Variants in PLEKHA5 observed in about 807,000 individuals in gnomAD.
The protein encoded by PLEKHA5 is pleckstrin homology domain containing A5, also known as pleckstrin homology domain-containing family A member 5.
Under a neutral mutation model 181.9 loss-of-function variants are expected in PLEKHA5, and 55 were observed. The ratio of observed to expected loss-of-function variants is 0.30; its 90% CI spans 0.24 to 0.38. The LOEUF is 0.38. PLEKHA5 is among the 10% of genes least tolerant of loss of function. The pLI is 1.00. For synonymous variants in PLEKHA5, 535 were observed against 529.4 expected (o/e 1.01, Z -0.15); for missense variants, 1,432 against 1,549.5 (o/e 0.92, Z 1.27).
intron 15 of PLEKHA5, chr12:19,306,413 G>C: frequency 1.8e-6 from 1 of 549,120 alleles, no homozygotes; most frequent in Admixed American, 2.2e-5. Context: ...GTAGAGAAAA[G>C]GTGGCGACGG....
At chr12:19,179,758 A>T (rs1377684821) in intron 3 of PLEKHA5, among the ~76,000 whole-genome samples, 1 of 152,234 alleles carries the variant, frequency 6.6e-6, no homozygotes, top group Non-Finnish European at 1.5e-5. Context: ...GGTTTATTGC[A>T]GTAATTACAG....
chr12:19,297,904 G>A (rs2080321378), intron 15 of PLEKHA5, among the ~76,000 whole-genome samples: 1 of 151,838 alleles, frequency 6.6e-6, no homozygotes, highest in Non-Finnish European at 1.5e-5. Context: ...CTGAGGAGGA[G>A]GGTAAGAAAA....
intron 18 of PLEKHA5, 82 bp downstream of exon 18, chr12:19,320,706 C>G: frequency 1.6e-6 from 1 of 626,714 alleles, no homozygotes; most frequent in Non-Finnish European, 2.8e-6. Context: ...GACCAAAAAA[C>G]TTCTTTCTCC....
At chr12:19,205,313 T>C (rs1319052481) in intron 3 of PLEKHA5, 1 of 927,900 alleles carries the variant, frequency 1.1e-6, no homozygotes, top group Non-Finnish European at 1.3e-6. Context: ...TTTCTTATAG[T>C]GGAAAGAGCA....
chr12:19,182,985 G>A (rs1401195100), intron 3 of PLEKHA5, among the ~76,000 whole-genome samples: 1 of 152,168 alleles, frequency 6.6e-6, no homozygotes, highest in Non-Finnish European at 1.5e-5. Flanking sequence ...AACAAAACAA[G>A]TTTATGTTTT....
At chr12:19,191,481 C>A (rs532336514) in intron 3 of PLEKHA5, among the ~76,000 whole-genome samples, 18 of 152,274 alleles carry the variant, frequency 1.2e-4, no homozygotes, top group Admixed American at 7.2e-4. Flanking sequence ...TCAGTCTTGT[C>A]CCCTAAACTC....
At chr12:19,137,617 T>C (rs2151061700) in intron 3 of PLEKHA5, among the ~76,000 whole-genome samples, 1 of 152,364 alleles carries the variant, frequency 6.6e-6, no homozygotes, top group Non-Finnish European at 1.5e-5. Flanking sequence ...TATTTAGTGC[T>C]AGGCACTTCA....
In PLEKHA5 at chr12:19,274,576, T is replaced by C. The variant is rs1368325014; in HGVS notation, c.906T>C (p.His302=). The change falls in exon 11 of 32, where the codon CAT becomes CAC. Residue 302 remains histidine (H), a synonymous_variant. Transcript: ENST00000429027. The part of the protein sequence containing the change: ...PTKETNNIPN[H]RVLIKPEIQN... ...AAGAAACCAATAACATTCCCAACCA[T>C]AGAGTGCTAATTAAACCAGAGATCC... is the stretch of plus-strand genomic sequence containing the variant. 4 of 1,613,194 alleles carry C rather than the reference T, an allele frequency of 2.5e-6. No homozygotes were observed. The highest frequency in any genetic ancestry group is 2.2e-5 in the East Asian group (1 of 44,878).
intron 17 of PLEKHA5, among the ~76,000 whole-genome samples, chr12:19,320,317 A>G (rs1479778796): frequency 6.6e-6 from 1 of 152,118 alleles, no homozygotes; most frequent in Non-Finnish European, 1.5e-5. Flanking sequence ...TTTGACCAGC[A>G]TATTATTATG....
rs371949225 is a variant in PLEKHA5, at chr12:19,320,542, A to G, written c.2155-20A>G. On this transcript the variant is annotated intron_variant, in intron 17 of 31. Coordinates refer to ENST00000429027, the MANE Select transcript of PLEKHA5 (RefSeq NM_001256470.2). ...TTTAAATAAGATTTTTTAAGTTGCT[A>G]TATGATTTTTTTCTTATAGCTGTCA... is the stretch of plus-strand genomic sequence containing the variant. The G allele has an allele frequency of 1.9e-5, 24 of 1,243,594 alleles. No individual in the cohort carries two copies. The highest frequency in any genetic ancestry group is 9.4e-5 in the East Asian group (4 of 42,542). 77.0% of individuals were successfully genotyped at this position (1,243,594 alleles called of 1,614,324 possible).
chr12:19,202,141 C>G (rs1391320315), intron 3 of PLEKHA5: 1 of 311,194 alleles, frequency 3.2e-6, no homozygotes, highest in Non-Finnish European at 4.7e-6. Context: ...AGTTCACTGC[C>G]TTTTAGGTCA....
intron 3 of PLEKHA5, among the ~76,000 whole-genome samples, chr12:19,211,013 C>A (rs999210893): frequency 2.6e-5 from 4 of 151,836 alleles, no homozygotes; most frequent in Non-Finnish European, 4.4e-5. Flanking sequence ...TGAAACTTAG[C>A]CGTGTATTTT....
chr12:19,280,986 C>T (rs1296780650), intron 11 of PLEKHA5, among the ~76,000 whole-genome samples: 1 of 152,140 alleles, frequency 6.6e-6, no homozygotes, highest in Admixed American at 6.5e-5. Flanking sequence ...ACTGGGATTA[C>T]AGGCGCAAGC....
chr12:19,223,766 G>A (rs904531510), intron 3 of PLEKHA5, among the ~76,000 whole-genome samples: 4 of 152,094 alleles, frequency 2.6e-5, no homozygotes, highest in Non-Finnish European at 5.9e-5. Context: ...CTGGCAGAGG[G>A]ATCAGCTCAG....
chr12:19,276,649 C>T (rs2074608117), intron 11 of PLEKHA5, among the ~76,000 whole-genome samples: 1 of 152,176 alleles, frequency 6.6e-6, no homozygotes. Flanking sequence ...CAGGATCGTG[C>T]CACTGCACTC....
chr12:19,165,715 T>A (rs1036947298), intron 3 of PLEKHA5, among the ~76,000 whole-genome samples: 1 of 152,220 alleles, frequency 6.6e-6, no homozygotes, highest in African/African-American at 2.4e-5. Context: ...GGGAACTTCC[T>A]ACACTTAGTA....
At chr12:19,254,693 C>T (rs1211866722) in intron 4 of PLEKHA5, among the ~76,000 whole-genome samples, 3 of 152,078 alleles carry the variant, frequency 2.0e-5, no homozygotes, top group Non-Finnish European at 4.4e-5. Context: ...CATGGTGGAA[C>T]GTGCTGGTAG....
At chr12:19,142,465 A>C (rs1249753041) in intron 3 of PLEKHA5, among the ~76,000 whole-genome samples, 1 of 152,214 alleles carries the variant, frequency 6.6e-6, no homozygotes, top group Non-Finnish European at 1.5e-5. Flanking sequence ...CTCCTTGCCC[A>C]ATTTTCACAA....
At chr12:19,295,905 C>A (rs1031063554) in intron 15 of PLEKHA5, among the ~76,000 whole-genome samples, 39 of 152,280 alleles carry the variant, frequency 2.6e-4, no homozygotes, top group African/African-American at 9.4e-4. Flanking sequence ...TATCACACAC[C>A]CTAACCACAC....
Sources: gnomAD v4.1 joint callset for allele counts (sites outside exome capture counted in the v4.1 genomes callset) on GRCh38, gnomAD v4.1.1 for gene constraint, MANE v1.5 for transcripts, NCBI Gene and HGNC (gene_info 2026-07-23, HGNC 2026-07-21) for gene names.